FAM227B: variants seen among roughly 807,000 people sequenced by gnomAD.
FAM227B encodes the protein family with sequence similarity 227 member B, also known as protein FAM227B.
In FAM227B, 88 loss-of-function variants were observed where a neutral mutation model predicts 73.8. That is an observed-to-expected ratio of 1.19 (90% CI 1.00 to 1.42). The LOEUF (loss-of-function observed/expected upper bound fraction) is 1.42. Ranked by LOEUF, FAM227B falls within the 40% of genes most tolerant of loss-of-function variation. The pLI, the probability that FAM227B is intolerant of heterozygous loss-of-function variation, is 0.00. For missense variants in FAM227B, 632 were observed against 590.9 expected (o/e 1.07, Z -0.72); for synonymous variants, 210 against 190.5 (o/e 1.10, Z -0.84).
At position 49,328,383 on chromosome 15, in the gene FAM227B, T is replaced by C; in HGVS notation, c.*185A>G. Reference sequence around the variant, plus strand: ...TACTATTAAGAGCCAAGATCATGCTTGGACAGATCTTTTAAGAATAACTTA... The same window carrying C: ...TACTATTAAGAGCCAAGATCATGCTCGGACAGATCTTTTAAGAATAACTTA... On this transcript the variant is annotated 3_prime_UTR_variant, in exon 16 of 16. Coordinates refer to ENST00000299338, the MANE Select transcript of FAM227B (RefSeq NM_152647.3). The C allele has an allele frequency of 1.4e-6, 2 of 1,430,742 alleles. No individual in the cohort carries two copies. The highest frequency in any genetic ancestry group is 1.4e-5 in the African/African-American group (1 of 69,760). The allele number at this position is 1,430,742 out of a possible 1,614,324, so 88.6% of individuals were successfully genotyped here.
intron 9 of FAM227B, among the ~76,000 whole-genome samples, chr15:49,562,181 C>T (rs2074312875): frequency 6.6e-6 from 1 of 151,922 alleles, no homozygotes. Flanking sequence ...CAAACAATCC[C>T]ACAAAAATAC....
intron 3 of FAM227B, among the ~76,000 whole-genome samples, chr15:49,600,671 TCCAG>T (rs1325683130): frequency 5.1e-5 from 7 of 136,926 alleles, no homozygotes; most frequent in African/African-American, 2.0e-4. Flanking sequence ...AAAAAAAAAA[TCCAG>T]CCAGCCACTT....
chr15:49,544,998 T>C (rs1369815559), intron 9 of FAM227B, among the ~76,000 whole-genome samples: 1 of 152,180 alleles, frequency 6.6e-6, no homozygotes, highest in Non-Finnish European at 1.5e-5. Flanking sequence ...GGTTTTGGTA[T>C]TAGGGTGATC....
rs186006611 is a variant in FAM227B at position 49,600,935 on chromosome 15, C to T, written c.105+10280G>A. ...TGTGCGCCTGTAATCCCAGCTACAC[C>T]GGAGGCTGAAGCAGGAGAATCACTT... On this transcript the variant is annotated intron_variant, in intron 3 of 15. Coordinates refer to ENST00000299338, the MANE Select transcript of FAM227B (RefSeq NM_152647.3). 2.1e-3 allele frequency among the ~76,000 whole-genome samples: 313 copies of T among 147,226 alleles called. 1 individual carries two copies. Among genetic ancestry groups the T allele is most frequent in the Middle Eastern group, 3.8e-3 (1 of 264 alleles).
chr15:49,552,121 T>C, intron 9 of FAM227B, among the ~76,000 whole-genome samples: 1 of 152,208 alleles, frequency 6.6e-6, no homozygotes, highest in Non-Finnish European at 1.5e-5. Flanking sequence ...CTCATTAATG[T>C]TTTTTCTTTC....
At chr15:49,436,842 G>T (rs550111155) in intron 11 of FAM227B, among the ~76,000 whole-genome samples, 1 of 151,570 alleles carries the variant, frequency 6.6e-6, no homozygotes, top group South Asian at 2.1e-4. Context: ...TCAAGCAGTG[G>T]GATAATTTGC....
At chr15:49,475,721 C>T (rs1317820818) in intron 11 of FAM227B, among the ~76,000 whole-genome samples, 1 of 152,058 alleles carries the variant, frequency 6.6e-6, no homozygotes, top group Non-Finnish European at 1.5e-5. Flanking sequence ...GGCACGGTGG[C>T]TTATACTTGT....
At chr15:49,392,685 C>T (rs903284698) in intron 11 of FAM227B, among the ~76,000 whole-genome samples, 2 of 152,126 alleles carry the variant, frequency 1.3e-5, no homozygotes, top group African/African-American at 2.4e-5. Flanking sequence ...ATGCGTTGAA[C>T]TCAAATCTTT....
chr15:49,404,085 T>C (rs906158994), intron 11 of FAM227B, among the ~76,000 whole-genome samples: 2 of 152,090 alleles, frequency 1.3e-5, no homozygotes, highest in African/African-American at 4.8e-5. Context: ...GCATTTCTTA[T>C]TCTTGATTTC....
At chr15:49,445,516 T>C (rs2052113198) in intron 11 of FAM227B, among the ~76,000 whole-genome samples, 1 of 151,630 alleles carries the variant, frequency 6.6e-6, no homozygotes, top group Non-Finnish European at 1.5e-5. Flanking sequence ...TTGCTTAAGC[T>C]GTTTTATATT....
chr15:49,359,949 T>C (rs1040172110), intron 13 of FAM227B, among the ~76,000 whole-genome samples: 24 of 149,690 alleles, frequency 1.6e-4, no homozygotes, highest in African/African-American at 5.7e-4. Flanking sequence ...TGGACATGGA[T>C]GAAATTGGAA....
chr15:49,441,578 A>G (rs1300523193), intron 11 of FAM227B, among the ~76,000 whole-genome samples: 2 of 151,566 alleles, frequency 1.3e-5, no homozygotes, highest in Non-Finnish European at 3.0e-5. Flanking sequence ...CCATATATAG[A>G]GAGAAAAGGA....
intron 11 of FAM227B, among the ~76,000 whole-genome samples, chr15:49,478,419 G>A (rs4436732): frequency 0.25 from 37,853 of 150,990 alleles, 5,682 homozygotes; most frequent in Non-Finnish European, 0.35. Context: ...TGTATATGTC[G>A]GTGTATTTTA....
At chr15:49,566,583 T>C (rs1395142402) in intron 9 of FAM227B, among the ~76,000 whole-genome samples, 1 of 152,220 alleles carries the variant, frequency 6.6e-6, no homozygotes, top group Non-Finnish European at 1.5e-5. Context: ...TTATCTTCCT[T>C]AGGAAATATA....
intron 10 of FAM227B, among the ~76,000 whole-genome samples, chr15:49,512,958 T>G (rs1188244826): frequency 2.0e-5 from 3 of 152,158 alleles, no homozygotes; most frequent in African/African-American, 7.2e-5. Flanking sequence ...TGCATAGTAT[T>G]CCATGGTGTA....
At chr15:49,455,232 C>T (rs949874477) in intron 11 of FAM227B, among the ~76,000 whole-genome samples, 3 of 152,168 alleles carry the variant, frequency 2.0e-5, no homozygotes, top group East Asian at 3.8e-4. Context: ...AGGCATTCTG[C>T]TAGGTGGTGA....
Position 49,328,206 on chromosome 15 carries a change from T to C in FAM227B, c.*362A>G, listed in dbSNP as rs2037868018. 1.3e-6 allele frequency: 2 copies of C among 1,563,368 alleles called. No individual in the cohort carries two copies. The highest frequency in any genetic ancestry group is 2.7e-5 in the African/African-American group (2 of 73,414). ...GAAACTACTTAGGGCACTTAGGAAT[T>C]GGCAGGACTTTCTGTGCCACAGTAA... On this transcript the variant is annotated 3_prime_UTR_variant, in exon 16 of 16. Transcript: ENST00000299338.
intron 3 of FAM227B, among the ~76,000 whole-genome samples, chr15:49,605,675 G>A (rs1486631617): frequency 6.6e-6 from 1 of 151,958 alleles, no homozygotes; most frequent in Non-Finnish European, 1.5e-5. Flanking sequence ...CTGGTCCTGA[G>A]TACACTGGAG....
At chr15:49,508,694 A>G (rs188291985) in intron 10 of FAM227B, among the ~76,000 whole-genome samples, 1 of 152,294 alleles carries the variant, frequency 6.6e-6, no homozygotes, top group Non-Finnish European at 1.5e-5. Context: ...ATATTTTCTC[A>G]GCGGTGAGTG....
Sources: allele counts gnomAD v4.1 joint callset (sites outside exome capture counted in the v4.1 genomes callset), GRCh38; gene constraint gnomAD v4.1.1; transcripts MANE v1.5; gene names NCBI Gene and HGNC (gene_info 2026-07-23, HGNC 2026-07-21).